Variants in FLT1 observed in about 807,000 individuals in gnomAD.
FLT1 encodes the protein fms related receptor tyrosine kinase 1, also known as vascular endothelial growth factor receptor 1.
A neutral mutation model predicts 156.3 loss-of-function variants in FLT1; 49 were observed. The ratio of observed to expected loss-of-function variants is 0.31; its 90% confidence interval spans 0.25 to 0.40. The LOEUF is 0.40. Ranked by LOEUF, FLT1 falls within the 10% of genes least tolerant of loss-of-function variation. FLT1 has a pLI of 1.00. For missense variants in FLT1, 1,322 were observed against 1,637.2 expected (o/e 0.81, Z 3.32); for synonymous variants, 594 against 583.8 (o/e 1.02, Z -0.25).
intron 25 of FLT1, among the ~76,000 whole-genome samples, chr13:28,314,689 T>C (rs1004219834): frequency 5.9e-5 from 9 of 152,346 alleles, no homozygotes; most frequent in South Asian, 4.1e-4. Flanking sequence ...CACCCAGCCC[T>C]TCCTACTGTT....
At chr13:28,399,908 A>G (rs778852863) in intron 11 of FLT1, among the ~76,000 whole-genome samples, 2 of 152,248 alleles carry the variant, frequency 1.3e-5, no homozygotes, top group Non-Finnish European at 2.9e-5. Context: ...GGCACTTTAC[A>G]GGAATTGTCT....
At chr13:28,371,065 C>T (rs1351230241) in intron 14 of FLT1, among the ~76,000 whole-genome samples, 10 of 152,086 alleles carry the variant, frequency 6.6e-5, no homozygotes, top group Non-Finnish European at 1.0e-4. Context: ...TAGAACAATA[C>T]GTTTTGACAT....
chr13:28,448,841 T>A (rs1878762463), intron 3 of FLT1, among the ~76,000 whole-genome samples: 1 of 152,220 alleles, frequency 6.6e-6, no homozygotes, highest in African/African-American at 2.4e-5. Context: ...CTGGCTGAGC[T>A]GGAATGGTTC....
intron 22 of FLT1, among the ~76,000 whole-genome samples, chr13:28,321,963 A>G (rs1593679018): frequency 6.6e-6 from 1 of 152,214 alleles, no homozygotes; most frequent in Non-Finnish European, 1.5e-5. Flanking sequence ...CTATGAAGTC[A>G]TGTCTTCTGA....
chr13:28,442,516 A>G (rs574130932), intron 3 of FLT1, among the ~76,000 whole-genome samples: 8 of 152,340 alleles, frequency 5.3e-5, no homozygotes, highest in East Asian at 3.9e-4. Flanking sequence ...AAATTTTACT[A>G]CAGCTATTGG....
chr13:28,385,845 C>T (rs893511154), intron 13 of FLT1: 1 of 1,053,508 alleles, frequency 9.5e-7, no homozygotes, highest in Non-Finnish European at 1.1e-6. Flanking sequence ...CCCCAAGGCC[C>T]CCAATGAGTA....
intron 4 of FLT1, among the ~76,000 whole-genome samples, chr13:28,436,626 GGT>G (rs1213916281): frequency 6.6e-6 from 1 of 152,086 alleles, no homozygotes; most frequent in Non-Finnish European, 1.5e-5. Context: ...CTCTCCACGT[GGT>G]GTTTTCCATA....
intron 3 of FLT1, among the ~76,000 whole-genome samples, chr13:28,445,188 G>A (rs1878541644): frequency 6.6e-6 from 1 of 152,120 alleles, no homozygotes; most frequent in Admixed American, 6.5e-5. Flanking sequence ...ATTCAGAAAT[G>A]AAACAGGGCC....
At chr13:28,483,854 C>A (rs1161197639) in intron 1 of FLT1, among the ~76,000 whole-genome samples, 1 of 152,168 alleles carries the variant, frequency 6.6e-6, no homozygotes, top group African/African-American at 2.4e-5. Context: ...GAAAACAAAA[C>A]TCTTGCCTTT....
intron 14 of FLT1, among the ~76,000 whole-genome samples, chr13:28,372,066 A>T (rs1565990377): frequency 1.0e-4 from 3 of 29,768 alleles, no homozygotes; most frequent in African/African-American, 2.2e-4. Context: ...ATATATATAT[A>T]TATATATATA....
chr13:28,467,445 C>G lies in FLT1; in HGVS notation c.161+76G>C, dbSNP rs533228194. ...CACAGGAGATCACTGAGGTCCCTACCTTTTTACTCTGCCAGGGAATGATTT... is the reference window on the plus strand; with the variant it reads ...CACAGGAGATCACTGAGGTCCCTACGTTTTTACTCTGCCAGGGAATGATTT... On this transcript the variant is annotated intron_variant, in intron 2 of 29. Transcript: ENST00000282397. 25 of 1,006,566 alleles carry G rather than the reference C, an allele frequency of 2.5e-5. No homozygotes were observed. In the East Asian group the frequency reaches 6.3e-4, roughly 25 times the overall value. 62.4% of individuals were successfully genotyped at this position (1,006,566 alleles called of 1,614,324 possible).
chr13:28,474,254 G>C (rs1386481911), intron 1 of FLT1, among the ~76,000 whole-genome samples: 1 of 152,036 alleles, frequency 6.6e-6, no homozygotes, highest in East Asian at 1.9e-4. Context: ...TCAGGAGTTC[G>C]AGACCAGTTT....
chr13:28,451,840 C>A (rs58625241), intron 3 of FLT1, among the ~76,000 whole-genome samples: 5,767 of 152,288 alleles, frequency 0.038, 339 homozygotes, highest in African/African-American at 0.13. Context: ...GGGCGTAGCA[C>A]ACTGACATCC....
At chr13:28,409,516 G>C (rs1358813103) in intron 10 of FLT1, among the ~76,000 whole-genome samples, 1 of 151,958 alleles carries the variant, frequency 6.6e-6, no homozygotes, top group Non-Finnish European at 1.5e-5. Context: ...TGTATTTTTA[G>C]TGGAGATGGG....
In FLT1 at chr13:28,303,250, CGTGGTCGTAG is replaced by C; in HGVS notation, c.3924_3933del (p.Tyr1309LeufsTer30). 6.2e-7 allele frequency: 1 copy of C among 1,613,892 alleles called. No homozygotes were observed. Among genetic ancestry groups the C allele is most frequent in the Non-Finnish European group, 8.5e-7 (1 of 1,180,008 alleles). The stretch of plus-strand genomic sequence containing the variant: ...CACGCGATTTTCCTTTCCAGCTCAG[CGTGGTCGTAG>C]GTGAACCTGCGCTTGCCTTCGCTGA... On this transcript the variant is annotated frameshift_variant, in exon 30 of 30. Transcript: ENST00000282397. LOFTEE classifies it high-confidence loss of function.
At chr13:28,303,434 A>C in intron 29 of FLT1, 66 bp from the exon 30 acceptor site, 2 of 1,393,644 alleles carry the variant, frequency 1.4e-6, no homozygotes, top group Non-Finnish European at 2.0e-6. Flanking sequence ...AGACACTAAA[A>C]TCTACTCTTT....
At chr13:28,333,060 G>A (rs552228583) in intron 18 of FLT1, among the ~76,000 whole-genome samples, 1 of 152,276 alleles carries the variant, frequency 6.6e-6, no homozygotes, top group Admixed American at 6.5e-5. Context: ...TTTTTCTTGA[G>A]GAGTAAACCT....
At chr13:28,435,865 T>C (rs1405305049) in intron 4 of FLT1, among the ~76,000 whole-genome samples, 2 of 152,054 alleles carry the variant, frequency 1.3e-5, no homozygotes, top group African/African-American at 4.8e-5. Flanking sequence ...AACTCAGGAA[T>C]GCAGTCGGTG....
intron 10 of FLT1, among the ~76,000 whole-genome samples, chr13:28,413,249 C>G (rs749324993): frequency 2.0e-5 from 3 of 152,108 alleles, no homozygotes; most frequent in Non-Finnish European, 2.9e-5. Context: ...GCTTCCTGCT[C>G]TCGAGGGCCC....
Sources: allele counts gnomAD v4.1 joint callset (sites outside exome capture counted in the v4.1 genomes callset), GRCh38; gene constraint gnomAD v4.1.1; transcripts MANE v1.5; gene names NCBI Gene and HGNC (gene_info 2026-07-23, HGNC 2026-07-21).